PEX7: variants seen among roughly 807,000 people sequenced by gnomAD.
PEX7 encodes PTS2 receptor.
PEX7 carries 34 observed loss-of-function variants against 47.5 expected under a neutral mutation model. The ratio of observed to expected loss-of-function variants is 0.72; its 90% confidence interval spans 0.54 to 0.95. PEX7 has a LOEUF of 0.95. Among genes scored for constraint, PEX7 ranks in the 40% least tolerant of loss-of-function variants. PEX7 has a pLI of 0.00. For synonymous variants in PEX7, 141 were observed against 148.8 expected (o/e 0.95, Z 0.38); for missense variants, 394 against 400.3 (o/e 0.98, Z 0.13).
At chr6:136,876,927 A>G (rs1205478664) in intron 8 of PEX7, among the ~76,000 whole-genome samples, 1 of 152,218 alleles carries the variant, frequency 6.6e-6, no homozygotes, top group African/African-American at 2.4e-5. Context: ...GTCTTCCACA[A>G]TGGTTGAACT....
intron 1 of PEX7, among the ~76,000 whole-genome samples, chr6:136,824,846 G>C (rs1364812117): frequency 1.3e-5 from 2 of 152,326 alleles, no homozygotes; most frequent in South Asian, 4.1e-4. Context: ...TCTGTCAGTA[G>C]GAATGATAAC....
intron 3 of PEX7, among the ~76,000 whole-genome samples, chr6:136,837,908 T>C (rs757840249): frequency 5.9e-5 from 9 of 152,038 alleles, no homozygotes; most frequent in African/African-American, 1.5e-4. Flanking sequence ...GTAGTCACCA[T>C]TGAAGATTAT....
intron 5 of PEX7, among the ~76,000 whole-genome samples, chr6:136,860,117 G>C (rs1438683365): frequency 4.6e-5 from 7 of 152,086 alleles, no homozygotes; most frequent in Admixed American, 4.6e-4. Flanking sequence ...ACCATCACAG[G>C]GCCCTGATAA....
chr6:136,866,570 T>C, intron 5 of PEX7, 57 bp from the exon 6 acceptor site: 1 of 1,374,332 alleles, frequency 7.3e-7, no homozygotes, highest in Non-Finnish European at 1.0e-6. Context: ...GAACACATTA[T>C]GTCACTGCAC....
intron 3 of PEX7, among the ~76,000 whole-genome samples, chr6:136,833,366 A>G (rs547305101): frequency 2.6e-5 from 4 of 152,230 alleles, no homozygotes; most frequent in Non-Finnish European, 5.9e-5. Context: ...ACACGTGGGG[A>G]TTACAATTCA....
chr6:136,866,280 C>CAAT (rs1457674355), intron 5 of PEX7, among the ~76,000 whole-genome samples: 1 of 152,024 alleles, frequency 6.6e-6, no homozygotes, highest in Admixed American at 6.6e-5. Context: ...GTTTCTAGTA[C>CAAT]AATACACTGG....
intron 3 of PEX7, among the ~76,000 whole-genome samples, chr6:136,826,699 A>G (rs965226519): frequency 6.6e-6 from 1 of 151,968 alleles, no homozygotes; most frequent in Non-Finnish European, 1.5e-5. Context: ...AGGCAGAAAG[A>G]ACACCTCCAG....
intron 3 of PEX7, among the ~76,000 whole-genome samples, chr6:136,838,953 A>AG (rs1425912172): frequency 6.6e-6 from 1 of 152,148 alleles, no homozygotes. Context: ...AGGCCTAGGC[A>AG]GGGGGATTAC....
At chr6:136,844,047 T>C (rs974838958) in intron 3 of PEX7, among the ~76,000 whole-genome samples, 2 of 152,226 alleles carry the variant, frequency 1.3e-5, no homozygotes, top group African/African-American at 4.8e-5. Flanking sequence ...TAAACTTTTT[T>C]CCAGGTTTAT....
chr6:136,870,135 C>A, intron 7 of PEX7, 132 bp downstream of exon 7: 1 of 566,276 alleles, frequency 1.8e-6, no homozygotes, highest in Non-Finnish European at 2.9e-6. Context: ...TTTTGTTACC[C>A]AATTAATTAG....
intron 7 of PEX7, among the ~76,000 whole-genome samples, chr6:136,871,681 C>T (rs1582761091): frequency 6.6e-6 from 1 of 152,100 alleles, no homozygotes; most frequent in East Asian, 1.9e-4. Context: ...GCTTCAGCTT[C>T]CCCAGAAGCT....
At chr6:136,827,747 G>C (rs1445641078) in intron 3 of PEX7, among the ~76,000 whole-genome samples, 1 of 151,968 alleles carries the variant, frequency 6.6e-6, no homozygotes, top group African/African-American at 2.4e-5. Flanking sequence ...GGCTAGGCTG[G>C]TCTTGAACTC....
intron 5 of PEX7, among the ~76,000 whole-genome samples, chr6:136,865,559 G>A (rs928495087): frequency 1.3e-5 from 2 of 152,000 alleles, no homozygotes; most frequent in African/African-American, 2.4e-5. Context: ...TTGGCCTCCC[G>A]AAGGGTAGGG....
At position 136,874,682 on chromosome 6, in the gene PEX7, A is replaced by T. The variant is rs566172825; in HGVS notation, c.803+2429A>T. ...AGACTTTGCCTCAAAAAAAAAAAAA[A>T]AAAAAAGTCTATAAAGGAATGTTGT... On this transcript the variant is annotated intron_variant, in intron 8 of 9. Coordinates refer to ENST00000318471, the MANE Select transcript of PEX7 (RefSeq NM_000288.4). Among the ~76,000 whole-genome samples the T allele has an allele frequency of 6.6e-5, 10 of 151,790 alleles. No homozygotes were observed. The East Asian group carries it at 1.9e-3, about 29-fold the overall frequency.
At chr6:136,906,962 C>T (rs552457429) in intron 9 of PEX7, among the ~76,000 whole-genome samples, 4 of 152,176 alleles carry the variant, frequency 2.6e-5, no homozygotes, top group Admixed American at 6.5e-5. Context: ...CAGTGTAATC[C>T]GTTTTCCTTT....
rs183064878 is a variant in PEX7 at position 136,910,584 on chromosome 6, C to A, written c.904-2874C>A. ...GAGGTTTTTAAATTTAAAAGTTTGA[C>A]TAAAAAGTCTATAATGCTCTCTGTA... On this transcript the variant is annotated intron_variant, in intron 9 of 9. Transcript: ENST00000318471. Among the ~76,000 whole-genome samples, 188 of 152,252 alleles carry A rather than the reference C, an allele frequency of 1.2e-3. 2 individuals carry two copies. The highest frequency in any genetic ancestry group is 4.2e-3 in the African/African-American group (176 of 41,552).
intron 5 of PEX7, among the ~76,000 whole-genome samples, chr6:136,850,604 T>G (rs1774725414): frequency 6.6e-6 from 1 of 152,202 alleles, no homozygotes; most frequent in African/African-American, 2.4e-5. Flanking sequence ...GAATAATTCC[T>G]AGATTTCTGG....
chr6:136,911,076 T>C lies in PEX7; in HGVS notation c.904-2382T>C, dbSNP rs565671858. On this transcript the variant is annotated intron_variant, in intron 9 of 9. Coordinates refer to ENST00000318471, the MANE Select transcript of PEX7 (RefSeq NM_000288.4). The stretch of plus-strand genomic sequence containing the variant: ...AATAGATACGTCTGTGAAATTCACA[T>C]CATCCCAGTTATTGGAAACTGGGAA... 6.6e-4 allele frequency among the ~76,000 whole-genome samples: 101 copies of C among 152,294 alleles called. 1 individual carries two copies. Among genetic ancestry groups the C allele is most frequent in the African/African-American group, 2.4e-3 (100 of 41,568 alleles).
rs1414034427 is a variant in PEX7, at chr6:136,824,282, C to T, written c.131-932C>T. On this transcript the variant is annotated intron_variant, in intron 1 of 9. Coordinates refer to ENST00000318471, the MANE Select transcript of PEX7 (RefSeq NM_000288.4). ...GTGGTGCAATCACAGCTCACCGTAGCCTCCACCTCCTGGGCTCATATGATC... is the reference window on the plus strand; with the variant it reads ...GTGGTGCAATCACAGCTCACCGTAGTCTCCACCTCCTGGGCTCATATGATC... Among the ~76,000 whole-genome samples, 7 of 152,138 alleles carry T rather than the reference C, an allele frequency of 4.6e-5. No individual in the cohort carries two copies. The East Asian group carries it at 1.2e-3, about 25-fold the overall frequency.
Sources: gnomAD v4.1 joint callset for allele counts (sites outside exome capture counted in the v4.1 genomes callset) on GRCh38, gnomAD v4.1.1 for gene constraint, MANE v1.5 for transcripts, NCBI Gene and HGNC (gene_info 2026-07-23, HGNC 2026-07-21) for gene names.